ASTN1: variants seen among roughly 807,000 people sequenced by gnomAD.
ASTN1 encodes astrotactin-1.
In ASTN1, 41 loss-of-function variants were observed where a neutral mutation model predicts 140.7. That is an observed-to-expected ratio of 0.29 (90% CI 0.23 to 0.38). The LOEUF is 0.38. Among genes scored for constraint, ASTN1 ranks in the 10% least tolerant of loss-of-function variants. ASTN1 has a pLI of 1.00. For missense variants in ASTN1, 1,479 were observed against 1,678.8 expected (o/e 0.88, Z 2.08); for synonymous variants, 640 against 652.2 (o/e 0.98, Z 0.29).
At chr1:176,906,646 G>T (rs1670015319) in intron 16 of ASTN1, among the ~76,000 whole-genome samples, 1 of 151,972 alleles carries the variant, frequency 6.6e-6, no homozygotes, top group Non-Finnish European at 1.5e-5. Flanking sequence ...TTGAGGTCAG[G>T]AGTTCAAGAC....
chr1:176,944,584 T>G (rs1671874684), intron 13 of ASTN1, among the ~76,000 whole-genome samples: 1 of 152,204 alleles, frequency 6.6e-6, no homozygotes, highest in South Asian at 2.1e-4. Flanking sequence ...AAATTCTTTC[T>G]GAACCAAGAA....
rs185115456 is a variant in ASTN1 at position 176,976,845 on chromosome 1, A to G, written c.1524-11608T>C. 8 of 152,350 alleles carry G rather than the reference A, an allele frequency of 5.3e-5. No homozygotes were observed. In the Middle Eastern group the frequency reaches 0.01, roughly 194 times the overall value. 9.4% of individuals were successfully genotyped at this position (152,350 alleles called of 1,614,324 possible). On this transcript the variant is annotated intron_variant, in intron 8 of 22. Coordinates refer to ENST00000361833, the MANE Select transcript of ASTN1 (RefSeq NM_004319.3). The stretch of plus-strand genomic sequence containing the variant: ...GTCTGCCATGTGTCCCCGGACACCC[A>G]TCTTTGCTCACAAATGAACAGGACA...
In ASTN1 at chr1:176,864,460, G is replaced by T; in HGVS notation, c.3709C>A (p.Gln1237Lys). ...DLSSWCNGLL[Q>K]EPKISLRRSS... Reference sequence around the variant, plus strand: ...CGCCGCAAGCTTATCTTGGGTTCCTGAAGGAGTCCATTGCACCAACTGCTG... The same window carrying T: ...CGCCGCAAGCTTATCTTGGGTTCCTTAAGGAGTCCATTGCACCAACTGCTG... Residue 1237 changes from glutamine to lysine, a missense_variant, in exon 23 of 23, where the codon CAG (glutamine) becomes AAG (lysine). Gln to Lys is a moderately conservative substitution (Grantham distance 53). Transcript: ENST00000361833. The T allele has an allele frequency of 6.2e-7, 1 of 1,614,142 alleles. No homozygotes were observed. Among genetic ancestry groups the T allele is most frequent in the Non-Finnish European group, 8.5e-7 (1 of 1,180,022 alleles).
At chr1:176,930,921 GA>G (rs1671180337) in intron 16 of ASTN1, among the ~76,000 whole-genome samples, 1 of 152,166 alleles carries the variant, frequency 6.6e-6, no homozygotes, top group South Asian at 2.1e-4. Flanking sequence ...GGAGAAGAGA[GA>G]GTTCAGTGAC....
intron 9 of ASTN1, among the ~76,000 whole-genome samples, chr1:176,959,100 G>A (rs900467202): frequency 7.0e-6 from 1 of 143,706 alleles, no homozygotes; most frequent in African/African-American, 2.5e-5. Context: ...ATACAGGGAA[G>A]ATTTTTTTTT....
At chr1:177,148,067 G>A (rs1385724118) in intron 1 of ASTN1, among the ~76,000 whole-genome samples, 2 of 152,118 alleles carry the variant, frequency 1.3e-5, no homozygotes, top group African/African-American at 2.4e-5. Context: ...TCATTGACCT[G>A]AGCCTATGCA....
chr1:176,862,792 C>T lies in ASTN1; in HGVS notation c.*1492G>A, dbSNP rs1557917728. ...AGTGCTTACATCAGCGCCTGGCATA[C>T]AGCAAGCACTCAATAAATGTTATCT... On this transcript the variant is annotated 3_prime_UTR_variant, in exon 23 of 23. Coordinates refer to ENST00000361833, the MANE Select transcript of ASTN1 (RefSeq NM_004319.3). 4 of 982,838 alleles carry T rather than the reference C, an allele frequency of 4.1e-6. No individual in the cohort carries two copies. The highest frequency in any genetic ancestry group is 4.8e-6 in the Non-Finnish European group (4 of 827,586). The allele number at this position is 982,838 out of a possible 1,614,324, so 60.9% of individuals were successfully genotyped here. A position where few individuals can be genotyped will look rare whatever the true frequency, so the allele number is the denominator to read the frequency against.
chr1:177,017,917 AAACCTTGAAGCT>A (rs1675640986), intron 7 of ASTN1, among the ~76,000 whole-genome samples: 1 of 152,162 alleles, frequency 6.6e-6, no homozygotes, highest in Non-Finnish European at 1.5e-5. Context: ...GATTAAAGAA[AAACCTTGAAGCT>A]AGGGGTCCTC....
chr1:176,935,526 T>C (rs1671404413), intron 15 of ASTN1, among the ~76,000 whole-genome samples: 1 of 152,206 alleles, frequency 6.6e-6, no homozygotes, highest in South Asian at 2.1e-4. Context: ...CCTATGAAAA[T>C]GTGCTATATC....
intron 1 of ASTN1, among the ~76,000 whole-genome samples, chr1:177,110,892 A>G (rs896079228): frequency 1.3e-5 from 2 of 152,230 alleles, no homozygotes; most frequent in Non-Finnish European, 2.9e-5. Flanking sequence ...ACCAGGAAAT[A>G]AACCAGTATC....
chr1:177,028,850 A>C (rs1676269052), intron 5 of ASTN1, among the ~76,000 whole-genome samples: 1 of 152,234 alleles, frequency 6.6e-6, no homozygotes, highest in African/African-American at 2.4e-5. Context: ...AGTAAACTGA[A>C]GGTCAGAGAA....
At chr1:177,002,376 A>C (rs436441) in intron 8 of ASTN1, among the ~76,000 whole-genome samples, 2 of 148,582 alleles carry the variant, frequency 1.3e-5, no homozygotes, top group Non-Finnish European at 3.0e-5. Flanking sequence ...CTTACACACA[A>C]ACACACACAC....
At chr1:176,995,685 T>G (rs1158567661) in intron 8 of ASTN1, among the ~76,000 whole-genome samples, 1 of 152,154 alleles carries the variant, frequency 6.6e-6, no homozygotes, top group Non-Finnish European at 1.5e-5. Flanking sequence ...AACTCCAAAT[T>G]TATTTTCTGT....
chr1:177,112,621 G>C (rs1680876888), intron 1 of ASTN1, among the ~76,000 whole-genome samples: 1 of 152,154 alleles, frequency 6.6e-6, no homozygotes. Flanking sequence ...TCCCAAACAG[G>C]CATCTCTTTT....
intron 22 of ASTN1, 147 bp from the exon 23 acceptor site, chr1:176,864,668 T>C: frequency 9.0e-7 from 1 of 1,116,058 alleles, no homozygotes; most frequent in Non-Finnish European, 1.2e-6. Flanking sequence ...CTTGGAACAG[T>C]GAGTCCTCCA....
chr1:176,965,302 T>A (rs551470177), intron 8 of ASTN1, 65 bp from the exon 9 acceptor site: 42 of 1,548,542 alleles, frequency 2.7e-5, no homozygotes, highest in Admixed American at 1.0e-4. Flanking sequence ...ACCCACTTCG[T>A]ATCAGGCACA....
At chr1:177,032,364 C>T in intron 3 of ASTN1, 92 bp downstream of exon 3, 4 of 1,505,776 alleles carry the variant, frequency 2.7e-6, no homozygotes, top group Non-Finnish European at 3.6e-6. Flanking sequence ...CTATGTAGGA[C>T]AACCAGCTGT....
At chr1:176,969,646 C>G (rs1016263525) in intron 8 of ASTN1, among the ~76,000 whole-genome samples, 2 of 152,086 alleles carry the variant, frequency 1.3e-5, no homozygotes, top group South Asian at 2.1e-4. Flanking sequence ...ACTAGGCCAT[C>G]GAGGAGCCCA....
chr1:177,119,123 A>G (rs1280607653), intron 1 of ASTN1, among the ~76,000 whole-genome samples: 1 of 152,020 alleles, frequency 6.6e-6, no homozygotes, highest in Non-Finnish European at 1.5e-5. Context: ...CAGCACCTAA[A>G]TCCACTCATC....
Sources: allele counts gnomAD v4.1 joint callset (sites outside exome capture counted in the v4.1 genomes callset), GRCh38; gene constraint gnomAD v4.1.1; transcripts MANE v1.5; gene names NCBI Gene and HGNC (gene_info 2026-07-23, HGNC 2026-07-21).